Variants in DSC2 observed in about 807,000 individuals in gnomAD.
DSC2 encodes desmocollin 2.
DSC2 carries 51 observed loss-of-function variants against 87.6 expected under a neutral mutation model. The observed-to-expected ratio is 0.58, with a 90% confidence interval of 0.46 to 0.74. DSC2 has a LOEUF of 0.74. Among genes scored for constraint, DSC2 ranks in the 30% least tolerant of loss-of-function variants. DSC2 has a pLI of 0.00. For synonymous variants in DSC2, 383 were observed against 393.2 expected (o/e 0.97, Z 0.31); for missense variants, 1,066 against 1,089.5 (o/e 0.98, Z 0.30).
In DSC2 at chr18:31,067,629, G is replaced by A. The variant is rs563129037; in HGVS notation, c.*386C>T. 10 of 220,734 alleles carry A rather than the reference G, an allele frequency of 4.5e-5. No homozygotes were observed. The highest frequency in any genetic ancestry group is 6.3e-5 in the Non-Finnish European group (7 of 110,474). 13.7% of individuals were successfully genotyped at this position (220,734 alleles called of 1,614,324 possible). ...CCACATGAACACTTAATTAACTGGA[G>A]ATAATGTTAAAGCAAGGTCTCTACA... On this transcript the variant is annotated 3_prime_UTR_variant, in exon 16 of 16. Transcript: ENST00000280904.
chr18:31,083,902 C>T (rs1200374698), intron 7 of DSC2, among the ~76,000 whole-genome samples: 2 of 152,114 alleles, frequency 1.3e-5, no homozygotes, highest in African/African-American at 4.8e-5. Context: ...AGTAATAATG[C>T]TTTCCGGACT....
intron 11 of DSC2, among the ~76,000 whole-genome samples, chr18:31,078,537 C>T (rs1987096203): frequency 6.6e-6 from 1 of 151,944 alleles, no homozygotes; most frequent in Non-Finnish European, 1.5e-5. Flanking sequence ...AAACTATTTC[C>T]AAGTGCCGTT....
rs765566675 is a variant in DSC2, at chr18:31,089,567, T to C, written c.502A>G (p.Thr168Ala). The C allele has an allele frequency of 1.9e-6, 3 of 1,613,956 alleles. No homozygotes were observed. The highest frequency in any genetic ancestry group is 1.1e-5 in the South Asian group (1 of 91,080). ...QVQSDTAQNYTIYYSIRGPGV... is the reference protein window; with the variant it reads ...QVQSDTAQNYAIYYSIRGPGV... Reference sequence around the variant, plus strand: ...GGACCTCTTATGGAATAGTATATGGTATAGTTTTGGGCCGTGTCAGATTGA... The same window carrying C: ...GGACCTCTTATGGAATAGTATATGGCATAGTTTTGGGCCGTGTCAGATTGA... Residue 168 changes from threonine (T) to alanine (A), a missense_variant, in exon 5 of 16, where the codon ACC becomes GCC. Transcript: ENST00000280904.
chr18:31,068,074 A>AG lies in DSC2; in HGVS notation c.2646_2647insC (p.Phe883LeufsTer4). On this transcript the variant is annotated frameshift_variant, in exon 16 of 16. Coordinates refer to ENST00000280904, the MANE Select transcript of DSC2 (RefSeq NM_024422.6). LOFTEE classifies it high-confidence loss of function. ...AATTTGGGCTCCAAATTATCCAAAA[A>AG]TTCAAGCCCATCTTCTTCTTGTCGT... 1 of 1,614,006 alleles carries AG rather than the reference A, an allele frequency of 6.2e-7. No individual in the cohort carries two copies. Among genetic ancestry groups the AG allele is most frequent in the African/African-American group, 1.3e-5 (1 of 75,030 alleles).
At chr18:31,087,618 A>T in intron 6 of DSC2, 51 bp downstream of exon 6, 5 of 1,581,864 alleles carry the variant, frequency 3.2e-6, no homozygotes, top group Non-Finnish European at 4.3e-6. Flanking sequence ...AACTAAATGT[A>T]TGAATTGAAA....
At chr18:31,090,925 C>T in intron 4 of DSC2, 103 bp downstream of exon 4, 2 of 1,493,176 alleles carry the variant, frequency 1.3e-6, no homozygotes, top group South Asian at 2.3e-5. Flanking sequence ...CTCATTCACT[C>T]ACATATTTAT....
intron 14 of DSC2, among the ~76,000 whole-genome samples, chr18:31,070,085 T>C (rs1362446174): frequency 1.3e-5 from 2 of 152,164 alleles, no homozygotes; most frequent in African/African-American, 4.8e-5. Flanking sequence ...CTAATATTAT[T>C]TAAATTTTAT....
chr18:31,070,429 A>C (rs1449581212), intron 14 of DSC2, among the ~76,000 whole-genome samples: 1 of 152,238 alleles, frequency 6.6e-6, no homozygotes, highest in African/African-American at 2.4e-5. Context: ...CACAAACAGC[A>C]GTTGAAATAT....
At position 31,059,443 on chromosome 18, in the gene DSC2, TTGC is replaced by T; in HGVS notation, c.*8569_*8571del. ...TGTGAGATGATACAGTATTTTCTTT[TTGC>T]TTTCAATTTAATCATTTACTGTAAA... is the stretch of plus-strand genomic sequence containing the variant. On this transcript the variant is annotated 3_prime_UTR_variant, in exon 16 of 16. Transcript: ENST00000280904. 6.6e-6 allele frequency: 1 copy of T among 152,228 alleles called. No homozygotes were observed. Among genetic ancestry groups the T allele is most frequent in the Non-Finnish European group, 1.5e-5 (1 of 68,032 alleles). The allele number at this position is 152,228 out of a possible 1,614,324, so 9.4% of individuals were successfully genotyped here.
At position 31,093,637 on chromosome 18, in the gene DSC2, T is replaced by C. The variant is rs1362597154; in HGVS notation, c.76A>G (p.Ile26Val). The change falls in exon 2 of 16, where the codon ATA (isoleucine) becomes GTA (valine). Residue 26 changes from isoleucine to valine, a missense_variant. Coordinates refer to ENST00000280904, the MANE Select transcript of DSC2 (RefSeq NM_024422.6). Reference protein sequence around the residue: ...RLLLLTLAILIFASDACKNVT... With the variant: ...RLLLLTLAILVFASDACKNVT... The stretch of plus-strand genomic sequence containing the variant: ...TTTTTGCAGGCATCACTGGCAAATA[T>C]TAAGATCTAAAAAATGAAAAAAAAT... 4 of 1,584,916 alleles carry C rather than the reference T, an allele frequency of 2.5e-6. No individual in the cohort carries two copies. The highest frequency in any genetic ancestry group is 2.7e-5 in the African/African-American group (2 of 74,348).
chr18:31,086,770 C>A, intron 6 of DSC2, 28 bp from the exon 7 acceptor site: 1 of 1,605,862 alleles, frequency 6.2e-7, no homozygotes, highest in Non-Finnish European at 8.5e-7. Context: ...TTTTTAATCT[C>A]CAAAACATTC....
In DSC2 at chr18:31,061,716, G is replaced by A. The variant is rs1463412502; in HGVS notation, c.*6299C>T. On this transcript the variant is annotated 3_prime_UTR_variant, in exon 16 of 16. Coordinates refer to ENST00000280904, the MANE Select transcript of DSC2 (RefSeq NM_024422.6). ...GCATGTCTTATTTGAAATATCTAAAGTTTAAAATGCAGCCTCATAATGTAT... is the reference window on the plus strand; with the variant it reads ...GCATGTCTTATTTGAAATATCTAAAATTTAAAATGCAGCCTCATAATGTAT... 2.0e-5 allele frequency: 3 copies of A among 152,072 alleles called. No homozygotes were observed. Among genetic ancestry groups the A allele is most frequent in the East Asian group, 1.9e-4 (1 of 5,194 alleles). The allele number at this position is 152,072 out of a possible 1,614,324, so 9.4% of individuals were successfully genotyped here.
chr18:31,094,116 C>G (rs1987693276), intron 1 of DSC2, among the ~76,000 whole-genome samples: 1 of 152,042 alleles, frequency 6.6e-6, no homozygotes, highest in Non-Finnish European at 1.5e-5. Flanking sequence ...CAACAACAGC[C>G]TAGGTGGGAG....
At chr18:31,098,665 G>C (rs1683072442) in intron 1 of DSC2, among the ~76,000 whole-genome samples, 1 of 151,678 alleles carries the variant, frequency 6.6e-6, no homozygotes, top group Admixed American at 6.6e-5. Flanking sequence ...ATGTTCCCCA[G>C]TCTGGTCTTG....
chr18:31,070,248 T>C (rs1375981022), intron 14 of DSC2, among the ~76,000 whole-genome samples: 1 of 152,188 alleles, frequency 6.6e-6, no homozygotes, highest in Non-Finnish European at 1.5e-5. Flanking sequence ...CTTGCTAGCA[T>C]TGCTATTTCA....
chr18:31,070,067 T>C (rs1986773237), intron 14 of DSC2, among the ~76,000 whole-genome samples: 1 of 152,228 alleles, frequency 6.6e-6, no homozygotes, highest in African/African-American at 2.4e-5. Flanking sequence ...GTTGCATTTT[T>C]GGAAACTCTA....
chr18:31,068,665 C>T (rs1338982890), intron 15 of DSC2, among the ~76,000 whole-genome samples: 1 of 151,990 alleles, frequency 6.6e-6, no homozygotes, highest in African/African-American at 2.4e-5. Context: ...TAATTTAAAT[C>T]TCATCACACA....
In DSC2 at chr18:31,059,491, A is replaced by G. The variant is rs1339261589; in HGVS notation, c.*8524T>C. 1 of 152,172 alleles carries G rather than the reference A, an allele frequency of 6.6e-6. No homozygotes were observed. The highest frequency in any genetic ancestry group is 1.9e-4 in the East Asian group (1 of 5,198). The allele number at this position is 152,172 out of a possible 1,614,324, so 9.4% of individuals were successfully genotyped here. On this transcript the variant is annotated 3_prime_UTR_variant, in exon 16 of 16. Coordinates refer to ENST00000280904, the MANE Select transcript of DSC2 (RefSeq NM_024422.6). ...TGTAAATATAATATGTTCAGTGAAAACTTTATTTATTAAAGCTAAGATGAA... is the reference window on the plus strand; with the variant it reads ...TGTAAATATAATATGTTCAGTGAAAGCTTTATTTATTAAAGCTAAGATGAA...
At chr18:31,101,257 G>A in intron 1 of DSC2, 3 of 985,202 alleles carry the variant, frequency 3.0e-6, no homozygotes, top group Non-Finnish European at 3.6e-6. Flanking sequence ...AGGAGCAAAG[G>A]GTCAAGATCC....
Sources: gnomAD v4.1 joint callset for allele counts (sites outside exome capture counted in the v4.1 genomes callset) on GRCh38, gnomAD v4.1.1 for gene constraint, MANE v1.5 for transcripts, NCBI Gene and HGNC (gene_info 2026-07-23, HGNC 2026-07-21) for gene names.